Variants in DENND1A observed in about 807,000 individuals in gnomAD.
DENND1A encodes the protein DENN domain-containing protein 1A.
Under a neutral mutation model 113.7 loss-of-function variants are expected in DENND1A, and 51 were observed. The ratio of observed to expected loss-of-function variants is 0.45; its 90% confidence interval spans 0.36 to 0.57. The LOEUF (loss-of-function observed/expected upper bound fraction) is 0.57, where lower values mean the gene tolerates loss of function less well. DENND1A is among the 20% of genes least tolerant of loss of function. The pLI is 0.00. For synonymous variants in DENND1A, 565 were observed against 570.8 expected (o/e 0.99, Z 0.14); for missense variants, 1,258 against 1,395.9 (o/e 0.90, Z 1.57).
At chr9:123,757,917 C>G in intron 4 of DENND1A, 95 bp from the exon 5 acceptor site, 1 of 1,457,066 alleles carries the variant, frequency 6.9e-7, no homozygotes, top group Non-Finnish European at 9.2e-7. Flanking sequence ...TATAACATTT[C>G]CTCTCTCAGT....
chr9:123,414,102 C>T (rs924846026), intron 19 of DENND1A: 6 of 995,302 alleles, frequency 6.0e-6, no homozygotes, highest in Non-Finnish European at 7.2e-6. Context: ...GGGAGGCAGC[C>T]TCTAGGGGTC....
At chr9:123,799,135 A>T (rs1459560562) in intron 2 of DENND1A, among the ~76,000 whole-genome samples, 1 of 152,214 alleles carries the variant, frequency 6.6e-6, no homozygotes, top group Non-Finnish European at 1.5e-5. Context: ...ATATGTGTCA[A>T]ATTTGGTGAA....
chr9:123,841,785 G>A (rs1447533088), intron 2 of DENND1A, among the ~76,000 whole-genome samples: 1 of 152,098 alleles, frequency 6.6e-6, no homozygotes, highest in South Asian at 2.1e-4. Context: ...AAGATATTTA[G>A]GTAAATCAAT....
At chr9:123,909,739 G>A (rs1018457272) in intron 1 of DENND1A, among the ~76,000 whole-genome samples, 1 of 151,890 alleles carries the variant, frequency 6.6e-6, no homozygotes, top group African/African-American at 2.4e-5. Context: ...TCAAAAACTA[G>A]GAAGTAAAAT....
intron 3 of DENND1A, among the ~76,000 whole-genome samples, chr9:123,773,004 T>C (rs1421088301): frequency 6.6e-6 from 1 of 152,152 alleles, no homozygotes; most frequent in Non-Finnish European, 1.5e-5. Context: ...GTTTTCAAAA[T>C]AAATGAGACA....
At chr9:123,894,476 T>C (rs939543633) in intron 1 of DENND1A, among the ~76,000 whole-genome samples, 6 of 152,054 alleles carry the variant, frequency 3.9e-5, no homozygotes, top group African/African-American at 1.4e-4. Flanking sequence ...TTGAAATCAA[T>C]AGAAATAAAT....
chr9:123,794,116 A>C (rs1331391983), intron 2 of DENND1A, among the ~76,000 whole-genome samples: 2 of 152,178 alleles, frequency 1.3e-5, no homozygotes, highest in Non-Finnish European at 2.9e-5. Flanking sequence ...GAAGGACTGA[A>C]ACTGCCCAAG....
chr9:123,536,383 T>C (rs896854256), intron 13 of DENND1A, among the ~76,000 whole-genome samples: 11 of 151,426 alleles, frequency 7.3e-5, no homozygotes, highest in Non-Finnish European at 1.0e-4. Flanking sequence ...GGCAGGAGAA[T>C]TGCTTGAACC....
intron 19 of DENND1A, chr9:123,413,996 G>A (rs1202345938): frequency 1.0e-6 from 1 of 988,742 alleles, no homozygotes; most frequent in African/African-American, 1.8e-5. Context: ...TCTACTTCGG[G>A]GGAACCATCT....
chr9:123,874,078 G>A (rs1847069867), intron 2 of DENND1A, among the ~76,000 whole-genome samples: 1 of 152,038 alleles, frequency 6.6e-6, no homozygotes. Context: ...GGCCTGGAGA[G>A]GTGGCTCACA....
At chr9:123,468,688 T>C (rs919696325) in intron 13 of DENND1A, among the ~76,000 whole-genome samples, 8 of 152,048 alleles carry the variant, frequency 5.3e-5, no homozygotes, top group Non-Finnish European at 8.8e-5. Context: ...CCGGCCAACA[T>C]GGAAAAAGCT....
intron 1 of DENND1A, among the ~76,000 whole-genome samples, chr9:123,886,726 CATT>C (rs778044172): frequency 5.5e-4 from 84 of 152,260 alleles, no homozygotes; most frequent in Non-Finnish European, 9.4e-4. Context: ...AGGCTGAAAA[CATT>C]GTATCAAAGA....
chr9:123,837,653 T>C (rs1187853868), intron 2 of DENND1A, among the ~76,000 whole-genome samples: 1 of 152,146 alleles, frequency 6.6e-6, no homozygotes, highest in African/African-American at 2.4e-5. Context: ...AAAGCACAAT[T>C]TGGGAGCCCT....
chr9:123,519,352 C>T (rs1564639471), intron 13 of DENND1A, among the ~76,000 whole-genome samples: 1 of 152,214 alleles, frequency 6.6e-6, no homozygotes, highest in African/African-American at 2.4e-5. Flanking sequence ...TAACAGAACC[C>T]CCAATTTGTT....
At chr9:123,581,054 A>C (rs986130312) in intron 12 of DENND1A, among the ~76,000 whole-genome samples, 3 of 151,904 alleles carry the variant, frequency 2.0e-5, no homozygotes, top group African/African-American at 7.3e-5. Context: ...ATGACATCCT[A>C]AACGCAGAAG....
intron 1 of DENND1A, among the ~76,000 whole-genome samples, chr9:123,883,448 T>C (rs970283373): frequency 6.6e-6 from 1 of 152,202 alleles, no homozygotes; most frequent in Non-Finnish European, 1.5e-5. Flanking sequence ...GCAAGTACTA[T>C]AGTCACCTGG....
intron 13 of DENND1A, among the ~76,000 whole-genome samples, chr9:123,516,917 A>AAAAAAAAAAAC (rs2053974787): frequency 7.9e-6 from 1 of 127,026 alleles, no homozygotes; most frequent in African/African-American, 2.9e-5. Context: ...AAAAAAAAAA[A>AAAAAAAAAAAC]AAGAACGGAC....
At chr9:123,714,606 T>TAGAAAA (rs2066855328) in intron 5 of DENND1A, among the ~76,000 whole-genome samples, 1 of 151,592 alleles carries the variant, frequency 6.6e-6, no homozygotes, top group Non-Finnish European at 1.5e-5. Flanking sequence ...CATCTCAAAA[T>TAGAAAA]ACAAAAACAA....
intron 10 of DENND1A, among the ~76,000 whole-genome samples, chr9:123,610,280 G>A (rs909076483): frequency 6.6e-6 from 1 of 152,182 alleles, no homozygotes; most frequent in African/African-American, 2.4e-5. Flanking sequence ...AATAACAAAT[G>A]TGCTAGACAT....
Sources: allele counts gnomAD v4.1 joint callset (sites outside exome capture counted in the v4.1 genomes callset), GRCh38; gene constraint gnomAD v4.1.1; transcripts MANE v1.5; gene names NCBI Gene and HGNC (gene_info 2026-07-23, HGNC 2026-07-21).